IL1RAPL2: variants seen among roughly 807,000 people sequenced by gnomAD.
IL1RAPL2 encodes the protein interleukin 1 receptor accessory protein like 2.
In IL1RAPL2, 3 loss-of-function variants were observed where a neutral mutation model predicts 44.1. The ratio of observed to expected loss-of-function variants is 0.07; its 90% CI spans 0.03 to 0.18. The LOEUF is 0.18. Among genes scored for constraint, IL1RAPL2 ranks in the 10% least tolerant of loss-of-function variants. IL1RAPL2 has a pLI of 1.00. For missense variants in IL1RAPL2, 391 were observed against 496.4 expected, an observed-to-expected ratio of 0.79 and a Z score of 2.02; for synonymous variants, 181 against 178.8, an observed-to-expected ratio of 1.01 and a Z score of -0.10.
chrX:105,169,261 T>G (rs1333432450), intron 2 of IL1RAPL2, among the ~76,000 whole-genome samples: 1 of 110,831 alleles, frequency 9.0e-6, no homozygotes, highest in East Asian at 2.8e-4. Context: ...AGAGTACAAT[T>G]TATTCAGCAG....
intron 5 of IL1RAPL2, among the ~76,000 whole-genome samples, chrX:105,475,560 A>T (rs1201019419): frequency 9.0e-6 from 1 of 110,795 alleles, no homozygotes; most frequent in Non-Finnish European, 1.9e-5. Context: ...CTTTGATAAT[A>T]ACTATATGTG....
chrX:105,675,942 T>G (rs2037867799), intron 6 of IL1RAPL2: 2 of 111,993 alleles, frequency 1.8e-5, no homozygotes, highest in Admixed American at 9.5e-5. Context: ...TTACTTTATT[T>G]GCATAGATCT....
At chrX:104,812,719 G>A (rs1921028916) in intron 2 of IL1RAPL2, among the ~76,000 whole-genome samples, 1 of 111,009 alleles carries the variant, frequency 9.0e-6, no homozygotes, top group African/African-American at 3.3e-5. Flanking sequence ...GTGTTATGGG[G>A]TTTGAGTTAT....
intron 2 of IL1RAPL2, among the ~76,000 whole-genome samples, chrX:104,691,409 T>A (rs1380778206): frequency 3.6e-5 from 4 of 112,252 alleles, no homozygotes; most frequent in Non-Finnish European, 7.5e-5. Context: ...CATTTATACC[T>A]CAGGACATAT....
intron 2 of IL1RAPL2, among the ~76,000 whole-genome samples, chrX:104,970,729 T>G (rs1482583781): frequency 2.7e-5 from 3 of 111,749 alleles, no homozygotes; most frequent in Non-Finnish European, 5.6e-5. Context: ...TCCTACTTCC[T>G]ACCTCATTCC....
intron 5 of IL1RAPL2, among the ~76,000 whole-genome samples, chrX:105,452,295 TTC>T (rs1370118685): frequency 9.0e-6 from 1 of 111,708 alleles, no homozygotes; most frequent in Non-Finnish European, 1.9e-5. Context: ...CTTTTTTAAC[TTC>T]TTTTTTTCTA....
At chrX:105,595,772 G>T (rs931942849) in intron 6 of IL1RAPL2, among the ~76,000 whole-genome samples, 4 of 110,931 alleles carry the variant, frequency 3.6e-5, no homozygotes, top group African/African-American at 9.8e-5. Context: ...ATAAAATTCA[G>T]CCATAAAGCC....
intron 5 of IL1RAPL2, among the ~76,000 whole-genome samples, chrX:105,313,512 A>G (rs1292151777): frequency 1.8e-5 from 2 of 111,542 alleles, no homozygotes; most frequent in Non-Finnish European, 3.8e-5. Context: ...GCATCTTGGT[A>G]AGAACATTTG....
At chrX:104,602,495 G>C (rs1267482737) in intron 1 of IL1RAPL2, among the ~76,000 whole-genome samples, 2 of 111,343 alleles carry the variant, frequency 1.8e-5, no homozygotes, top group Non-Finnish European at 3.8e-5. Context: ...TACTCCCCTG[G>C]AAAAGGGTGC....
chrX:105,616,923 T>C (rs1403935921), intron 6 of IL1RAPL2, among the ~76,000 whole-genome samples: 2 of 110,372 alleles, frequency 1.8e-5, no homozygotes, highest in East Asian at 5.7e-4. Flanking sequence ...ATCTGAGTTC[T>C]AGTGACACAA....
intron 2 of IL1RAPL2, among the ~76,000 whole-genome samples, chrX:105,000,512 C>T (rs2030832331): frequency 9.0e-6 from 1 of 111,131 alleles, no homozygotes; most frequent in South Asian, 3.8e-4. Flanking sequence ...TGCTGTCATC[C>T]ATCTCCAGAC....
chrX:104,613,262 C>A (rs1253792226), intron 1 of IL1RAPL2, among the ~76,000 whole-genome samples: 3 of 111,384 alleles, frequency 2.7e-5, no homozygotes, highest in Admixed American at 9.6e-5. Flanking sequence ...GGGAATGCTT[C>A]CAGTTTTTGT....
At chrX:105,603,667 A>G (rs1215737600) in intron 6 of IL1RAPL2, among the ~76,000 whole-genome samples, 6 of 111,649 alleles carry the variant, frequency 5.4e-5, no homozygotes, top group Non-Finnish European at 7.6e-5. Flanking sequence ...TTAAATTACA[A>G]TATAGACCAA....
At chrX:104,611,836 CAAAAAAA>C (rs57729757) in intron 1 of IL1RAPL2, among the ~76,000 whole-genome samples, 21 of 39,954 alleles carry the variant, frequency 5.3e-4, no homozygotes, top group Non-Finnish European at 7.2e-4. Context: ...GACTCCATCT[CAAAAAAA>C]AAAAAAAAAA....
chrX:104,568,787 AGT>A (rs1047029038), intron 1 of IL1RAPL2, among the ~76,000 whole-genome samples: 4 of 111,554 alleles, frequency 3.6e-5, no homozygotes, highest in African/African-American at 1.3e-4. Flanking sequence ...CTTCAGCAGA[AGT>A]GCCTATCTTC....
At chrX:104,764,069 T>C (rs1232502216) in intron 2 of IL1RAPL2, among the ~76,000 whole-genome samples, 1 of 111,755 alleles carries the variant, frequency 8.9e-6, no homozygotes, top group Non-Finnish European at 1.9e-5. Context: ...ATATAAATTT[T>C]AGGATTTTTT....
intron 2 of IL1RAPL2, among the ~76,000 whole-genome samples, chrX:104,981,055 T>C (rs2030426774): frequency 1.0e-5 from 1 of 97,390 alleles, no homozygotes; most frequent in Non-Finnish European, 2.1e-5. Flanking sequence ...TTCCAAGGTA[T>C]TGTGTGTGTG....
chrX:105,645,260 T>A (rs947934497), intron 6 of IL1RAPL2, among the ~76,000 whole-genome samples: 14 of 111,267 alleles, frequency 1.3e-4, no homozygotes, highest in African/African-American at 4.6e-4. Flanking sequence ...GGCTGCCATA[T>A]CCCTAGGAAG....
chrX:104,625,044 A>G (rs1430943396), intron 1 of IL1RAPL2, among the ~76,000 whole-genome samples: 4 of 111,955 alleles, frequency 3.6e-5, no homozygotes, highest in African/African-American at 1.3e-4. Flanking sequence ...TGTGTTTAAA[A>G]TCTATTGGAA....
Sources: allele counts gnomAD v4.1 joint callset (sites outside exome capture counted in the v4.1 genomes callset), GRCh38; gene constraint gnomAD v4.1.1; transcripts MANE v1.5; gene names NCBI Gene and HGNC (gene_info 2026-07-23, HGNC 2026-07-21).